The following AASS variants were observed in gnomAD, a reference collection of about 807,000 sequenced individuals.
AASS encodes the protein alpha-aminoadipic semialdehyde synthase, mitochondrial.
AASS carries 86 observed loss-of-function variants against 105.4 expected under a neutral mutation model. That is an observed-to-expected ratio of 0.82 (90% CI 0.69 to 0.98). The LOEUF (loss-of-function observed/expected upper bound fraction) is 0.98, where lower values mean the gene tolerates loss of function less well. Among genes scored for constraint, AASS ranks in the 50% least tolerant of loss-of-function variants. The pLI is 0.00. For synonymous variants in AASS, 381 were observed against 394.8 expected (o/e 0.96, Z 0.41); for missense variants, 1,048 against 1,143.2 (o/e 0.92, Z 1.20).
intron 8 of AASS, among the ~76,000 whole-genome samples, chr7:122,116,364 G>A (rs1482963110): frequency 6.6e-6 from 1 of 152,154 alleles, no homozygotes; most frequent in Non-Finnish European, 1.5e-5. Flanking sequence ...CACAGGAAAT[G>A]GCTTAGCGCT....
chr7:122,098,758 T>C lies in AASS; in HGVS notation c.1515A>G (p.Ile505Met), dbSNP rs762986459. The C allele has an allele frequency of 6.2e-7, 1 of 1,607,832 alleles. No individual in the cohort carries two copies. The highest frequency in any genetic ancestry group is 2.2e-5 in the East Asian group (1 of 44,726). ...VLEYLSRDGN[I>M]EITVGSDMKN... Reference sequence around the variant, plus strand: ...GGGCTTATTTACCTACTGTTATTTCTATATTGCCATCTCTTGATAAATATT... The same window carrying C: ...GGGCTTATTTACCTACTGTTATTTCCATATTGCCATCTCTTGATAAATATT... Residue 505 changes from isoleucine to methionine, a missense_variant, in exon 14 of 24, where the codon ATA becomes ATG. Ile to Met is a conservative substitution (Grantham distance 10). Coordinates refer to ENST00000417368, the MANE Select transcript of AASS (RefSeq NM_005763.4).
chr7:122,089,794 C>T (rs982949962), intron 18 of AASS, among the ~76,000 whole-genome samples: 3 of 152,176 alleles, frequency 2.0e-5, no homozygotes, highest in Non-Finnish European at 1.5e-5. Context: ...CTTTCTTTTA[C>T]ATGGTTGCAC....
At chr7:122,101,542 G>A in intron 12 of AASS, 79 bp downstream of exon 12, 1 of 1,480,544 alleles carries the variant, frequency 6.8e-7, no homozygotes, top group Non-Finnish European at 9.4e-7. Flanking sequence ...AAGATGGAGA[G>A]AGAGAGAAAC....
chr7:122,133,943 T>A, intron 1 of AASS: 1 of 591,870 alleles, frequency 1.7e-6, no homozygotes, highest in South Asian at 2.0e-5. Flanking sequence ...AACTGCAAAA[T>A]TTTAAAAAGT....
At chr7:122,082,993 T>C in intron 19 of AASS, 1 of 603,428 alleles carries the variant, frequency 1.7e-6, no homozygotes, top group Non-Finnish European at 2.7e-6. Flanking sequence ...GGAAGCAGGG[T>C]GAGAAGGCTA....
At chr7:122,089,807 T>C (rs1418153244) in intron 18 of AASS, among the ~76,000 whole-genome samples, 2 of 152,188 alleles carry the variant, frequency 1.3e-5, no homozygotes, top group Non-Finnish European at 2.9e-5. Context: ...GGTTGCACTC[T>C]GCTGACCCTT....
At chr7:122,079,103 A>G in intron 21 of AASS, 153 bp from the exon 22 acceptor site, 1 of 1,534,410 alleles carries the variant, frequency 6.5e-7, no homozygotes, top group Non-Finnish European at 8.7e-7. Context: ...TAAAATAACA[A>G]TAACAATAGC....
chr7:122,088,087 T>G (rs1319701484), intron 18 of AASS, among the ~76,000 whole-genome samples: 1 of 152,192 alleles, frequency 6.6e-6, no homozygotes, highest in Non-Finnish European at 1.5e-5. Flanking sequence ...TATTAATAAT[T>G]TGAATGACAA....
chr7:122,082,848 C>T (rs978179403), intron 19 of AASS: 1 of 1,289,408 alleles, frequency 7.8e-7, no homozygotes, highest in East Asian at 5.6e-5. Context: ...GGAAGGTATT[C>T]AACATTATTC....
At chr7:122,090,737 C>T (rs1194616676) in intron 18 of AASS, among the ~76,000 whole-genome samples, 1 of 152,116 alleles carries the variant, frequency 6.6e-6, no homozygotes, top group East Asian at 1.9e-4. Context: ...ACTATGAAGT[C>T]AGACAGACAT....
Position 122,126,371 on chromosome 7 carries a change from T to C in AASS, c.472+4A>G. 6.2e-7 allele frequency: 1 copy of C among 1,613,318 alleles called. No homozygotes were observed. The highest frequency in any genetic ancestry group is 1.1e-5 in the South Asian group (1 of 91,058). ...GTGGGTGATGTAAGCCCTGGCATAC[T>C]TACCTGCCACACCAGCCCACTGTCC... On this transcript the variant is annotated splice_donor_region_variant and intron_variant, in intron 4 of 23. Coordinates refer to ENST00000417368, the MANE Select transcript of AASS (RefSeq NM_005763.4).
intron 15 of AASS, among the ~76,000 whole-genome samples, chr7:122,094,358 T>C (rs929332651): frequency 1.2e-4 from 18 of 152,280 alleles, no homozygotes; most frequent in Middle Eastern, 3.4e-3. Context: ...AATACTCTAT[T>C]CTATTTACCT....
At chr7:122,112,983 A>T in intron 11 of AASS, 135 bp downstream of exon 11, 1 of 744,914 alleles carries the variant, frequency 1.3e-6, no homozygotes, top group Non-Finnish European at 2.4e-6. Context: ...TAGTATCAGT[A>T]AGTATTTCAG....
intron 19 of AASS, among the ~76,000 whole-genome samples, chr7:122,085,111 C>A (rs1341882489): frequency 6.6e-6 from 1 of 152,078 alleles, no homozygotes; most frequent in Non-Finnish European, 1.5e-5. Context: ...GAAGAGGATG[C>A]AACACAGTGA....
intron 22 of AASS, among the ~76,000 whole-genome samples, chr7:122,078,338 G>A (rs1793131637): frequency 6.6e-6 from 1 of 152,038 alleles, no homozygotes; most frequent in African/African-American, 2.4e-5. Flanking sequence ...GTAATGTCGG[G>A]CGCGGTGGCT....
chr7:122,143,375 A>C (rs1336260100), intron 1 of AASS, among the ~76,000 whole-genome samples: 2 of 144,316 alleles, frequency 1.4e-5, no homozygotes, highest in Admixed American at 7.0e-5. Context: ...CCCTGAAATC[A>C]ATGTCTGAAA....
chr7:122,086,005 T>A lies in AASS; in HGVS notation c.2184+7A>T. The A allele has an allele frequency of 6.2e-7, 1 of 1,613,440 alleles. No homozygotes were observed. Among genetic ancestry groups the A allele is most frequent in the Non-Finnish European group, 8.5e-7 (1 of 1,179,564 alleles). On this transcript the variant is annotated splice_region_variant and intron_variant, in intron 19 of 23. Transcript: ENST00000417368. ...CAACATGTTGAATCTAAAGTCCAGC[T>A]GCTTACCTTATATCTCAGTGTCCCC...
rs180822273 is a variant in AASS, at chr7:122,130,918, A to G, written c.211-1381T>C. 2.4e-4 allele frequency among the ~76,000 whole-genome samples: 37 copies of G among 151,990 alleles called. No homozygotes were observed. In the East Asian group the frequency reaches 7.2e-3, roughly 29 times the overall value. On this transcript the variant is annotated intron_variant, in intron 2 of 23. Coordinates refer to ENST00000417368, the MANE Select transcript of AASS (RefSeq NM_005763.4). ...ACTTACATAGAGCAATGTTCAAGAT[A>G]TGTTGTTACTAAAGAAAGAAAGCAA...
rs370656085 is a variant in AASS at position 122,077,963 on chromosome 7, T to C, written c.2537A>G (p.His846Arg). ...TTTATGTTCTAAATGTCCAGAAGGA[T>C]GTCTGATTCCAAAGCTGTCTCTCAT... ...IVMRDSFGIR[H>R]PSGHLEHKTI... The change falls in exon 23 of 24, where the codon CAT becomes CGT. Residue 846 changes from histidine to arginine, a missense_variant. Physicochemically the swap from His to Arg is conservative, Grantham distance 29. Transcript: ENST00000417368. The C allele has an allele frequency of 9.6e-5, 155 of 1,614,112 alleles. 2 individuals are homozygous for C. Among genetic ancestry groups the C allele is most frequent in the Non-Finnish European group, 1.3e-4 (149 of 1,180,042 alleles).
Sources: gnomAD v4.1 joint callset for allele counts (sites outside exome capture counted in the v4.1 genomes callset) on GRCh38, gnomAD v4.1.1 for gene constraint, MANE v1.5 for transcripts, NCBI Gene and HGNC (gene_info 2026-07-23, HGNC 2026-07-21) for gene names.